The following NAALADL2 variants were observed in gnomAD, a reference collection of about 807,000 sequenced individuals.
NAALADL2 encodes the protein inactive N-acetylated-alpha-linked acidic dipeptidase-like protein 2.
In NAALADL2, 76 loss-of-function variants were observed where a neutral mutation model predicts 87.2. The observed-to-expected ratio is 0.87, with a 90% CI of 0.72 to 1.05. The LOEUF is 1.05. Among genes scored for constraint, NAALADL2 ranks in the 50% least tolerant of loss-of-function variants. The pLI is 0.00. For missense variants in NAALADL2, 1,089 were observed against 945.8 expected (o/e 1.15, Z -1.99); for synonymous variants, 354 against 331.0 (o/e 1.07, Z -0.75).
At chr3:175,606,760 G>T (rs565722255) in intron 10 of NAALADL2, among the ~76,000 whole-genome samples, 21 of 152,094 alleles carry the variant, frequency 1.4e-4, no homozygotes, top group Non-Finnish European at 2.4e-4. Flanking sequence ...GCATACTTCT[G>T]TTCCTTGGTC....
chr3:175,289,953 A>G (rs1430917646), intron 4 of NAALADL2, among the ~76,000 whole-genome samples: 1 of 152,230 alleles, frequency 6.6e-6, no homozygotes, highest in East Asian at 1.9e-4. Flanking sequence ...TATACAGATG[A>G]CAAATAAGTC....
At chr3:174,993,154 C>T (rs1442921277) in intron 1 of NAALADL2, among the ~76,000 whole-genome samples, 1 of 151,984 alleles carries the variant, frequency 6.6e-6, no homozygotes, top group African/African-American at 2.4e-5. Context: ...TATGAATGCT[C>T]TCTCACCTTT....
chr3:175,582,892 C>T (rs1364245859), intron 10 of NAALADL2, among the ~76,000 whole-genome samples: 2 of 152,162 alleles, frequency 1.3e-5, no homozygotes, highest in African/African-American at 2.4e-5. Flanking sequence ...TCTGAAGCTC[C>T]TCACAGTAAG....
chr3:174,485,323 G>A (rs1397183754), intron 1 of NAALADL2, among the ~76,000 whole-genome samples: 1 of 151,782 alleles, frequency 6.6e-6, no homozygotes, highest in African/African-American at 2.4e-5. Context: ...AAGTTTAGGG[G>A]TACATGTACA....
chr3:174,524,682 G>A (rs1436038993), intron 1 of NAALADL2, among the ~76,000 whole-genome samples: 2 of 150,612 alleles, frequency 1.3e-5, no homozygotes, highest in Non-Finnish European at 2.9e-5. Context: ...TGGGCAGCTG[G>A]GACCACAGGT....
intron 1 of NAALADL2, among the ~76,000 whole-genome samples, chr3:174,978,016 CA>C (rs922132234): frequency 6.6e-6 from 1 of 152,142 alleles, no homozygotes; most frequent in African/African-American, 2.4e-5. Context: ...AAGTGTGTGC[CA>C]AACCCTGTTC....
intron 10 of NAALADL2, among the ~76,000 whole-genome samples, chr3:175,593,075 T>C (rs923155977): frequency 1.3e-5 from 2 of 152,012 alleles, no homozygotes; most frequent in Admixed American, 6.6e-5. Context: ...GGTAAACCTG[T>C]ACCATGATGG....
At chr3:175,738,311 G>C (rs538208205) in intron 12 of NAALADL2, among the ~76,000 whole-genome samples, 1 of 151,426 alleles carries the variant, frequency 6.6e-6, no homozygotes, top group Non-Finnish European at 1.5e-5. Flanking sequence ...GCAGTGGTGC[G>C]ATCTCAGCTC....
Position 175,433,713 on chromosome 3 carries a change from A to G in NAALADL2, c.1091-13516A>G, listed in dbSNP as rs192770293. 2.7e-3 allele frequency among the ~76,000 whole-genome samples: 414 copies of G among 151,872 alleles called. 1 individual carries two copies. Among genetic ancestry groups the G allele is most frequent in the Non-Finnish European group, 4.9e-3 (335 of 67,922 alleles). ...CCTAGCCTTTTTTTTTCTCTTTTGG[A>G]TGTGAATTTGGGTTCCATTTCATAA... is the stretch of plus-strand genomic sequence containing the variant. On this transcript the variant is annotated intron_variant, in intron 5 of 13. Transcript: ENST00000454872.
intron 1 of NAALADL2, among the ~76,000 whole-genome samples, chr3:175,058,581 G>T (rs1000999238): frequency 6.6e-5 from 10 of 152,080 alleles, no homozygotes; most frequent in African/African-American, 1.7e-4. Flanking sequence ...AAGTCGGGGG[G>T]TGCATAATCA....
intron 1 of NAALADL2, among the ~76,000 whole-genome samples, chr3:174,482,363 A>T (rs1717604113): frequency 6.6e-6 from 1 of 152,020 alleles, no homozygotes; most frequent in African/African-American, 2.4e-5. Flanking sequence ...GCCAAGACTC[A>T]TGAGAGAAGA....
intron 2 of NAALADL2, among the ~76,000 whole-genome samples, chr3:175,151,857 T>G (rs1215532835): frequency 6.6e-6 from 1 of 152,222 alleles, no homozygotes; most frequent in African/African-American, 2.4e-5. Context: ...TGCTAACATT[T>G]ATTTGAGTGC....
chr3:175,043,296 C>T lies in NAALADL2; in HGVS notation c.44-53494C>T, dbSNP rs147416282. Among the ~76,000 whole-genome samples the T allele has an allele frequency of 4.4e-3, 667 of 152,172 alleles. 6 individuals are homozygous for T. The highest frequency in any genetic ancestry group is 0.027 in the South Asian group (129 of 4,816). On this transcript the variant is annotated intron_variant, in intron 1 of 13. Coordinates refer to ENST00000454872, the MANE Select transcript of NAALADL2 (RefSeq NM_207015.3). ...CTATGTCACCCAGGCTGGAGTTCAG[C>T]GGCACAATCTGGGCTCACTGCAACC...
At position 175,804,860 on chromosome 3, in the gene NAALADL2, A is replaced by G. The variant is rs1237612456; in HGVS notation, c.*1657A>G. The G allele has an allele frequency of 6.6e-6, 1 of 151,946 alleles. No individual in the cohort carries two copies. The highest frequency in any genetic ancestry group is 1.9e-4 in the East Asian group (1 of 5,184). The allele number at this position is 151,946 out of a possible 1,614,324, so 9.4% of individuals were successfully genotyped here. A position where few individuals can be genotyped will look rare whatever the true frequency, so the allele number is the denominator to read the frequency against. On this transcript the variant is annotated 3_prime_UTR_variant, in exon 14 of 14. Transcript: ENST00000454872. The stretch of plus-strand genomic sequence containing the variant: ...GCAATTAGCTAGATAATTCAAGCAG[A>G]AATCCATTTTCATCGAAATTGCCTG...
At chr3:175,353,473 T>C (rs1050925945) in intron 5 of NAALADL2, among the ~76,000 whole-genome samples, 2 of 152,214 alleles carry the variant, frequency 1.3e-5, no homozygotes, top group African/African-American at 4.8e-5. Context: ...AGTTTCTATA[T>C]AAATAATGAT....
At chr3:175,521,844 T>C (rs145502001) in intron 9 of NAALADL2, among the ~76,000 whole-genome samples, 2,457 of 152,270 alleles carry the variant, frequency 0.016, 74 homozygotes, top group East Asian at 0.066. Flanking sequence ...TGAATGTCAG[T>C]TGTTTTAAGC....
chr3:175,480,653 A>G (rs1050963394), intron 9 of NAALADL2, among the ~76,000 whole-genome samples: 1 of 151,894 alleles, frequency 6.6e-6, no homozygotes, highest in Non-Finnish European at 1.5e-5. Context: ...TTGAAATAAA[A>G]TAGTTTTTTC....
chr3:175,798,182 T>C (rs892537127), intron 13 of NAALADL2, among the ~76,000 whole-genome samples: 1 of 152,056 alleles, frequency 6.6e-6, no homozygotes, highest in African/African-American at 2.4e-5. Context: ...ATATTTTTGC[T>C]AGCCCCGATT....
At chr3:174,673,479 C>T (rs1250622310) in intron 2 of NAALADL2, among the ~76,000 whole-genome samples, 1 of 151,892 alleles carries the variant, frequency 6.6e-6, no homozygotes, top group Non-Finnish European at 1.5e-5. Flanking sequence ...GAATACTGTT[C>T]AGCCGTAATT....
Sources: gnomAD v4.1 joint callset for allele counts (sites outside exome capture counted in the v4.1 genomes callset) on GRCh38, gnomAD v4.1.1 for gene constraint, MANE v1.5 for transcripts, NCBI Gene and HGNC (gene_info 2026-07-23, HGNC 2026-07-21) for gene names.